SHISA6: variants seen among roughly 807,000 people sequenced by gnomAD.
SHISA6 encodes protein shisa-6.
Under a neutral mutation model 47.9 loss-of-function variants are expected in SHISA6, and 22 were observed. The ratio of observed to expected loss-of-function variants is 0.46; its 90% CI spans 0.33 to 0.66. SHISA6 has a LOEUF of 0.66. SHISA6 is among the 30% of genes least tolerant of loss of function. The pLI is 0.02. For synonymous variants in SHISA6, 388 were observed against 337.8 expected, an observed-to-expected ratio of 1.15 and a Z score of -1.63; for missense variants, 680 against 764.6, an observed-to-expected ratio of 0.89 and a Z score of 1.30.
At chr17:11,247,606 G>A (rs1597419517) in intron 1 of SHISA6, among the ~76,000 whole-genome samples, 1 of 152,104 alleles carries the variant, frequency 6.6e-6, no homozygotes, top group African/African-American at 2.4e-5. Flanking sequence ...TCTCAGATTG[G>A]TTGGTGGTGG....
intron 2 of SHISA6, among the ~76,000 whole-genome samples, chr17:11,373,976 C>G (rs1912707400): frequency 6.6e-6 from 1 of 152,158 alleles, no homozygotes; most frequent in Admixed American, 6.5e-5. Context: ...TAGCCATTGC[C>G]AAAGTTCTTT....
chr17:11,452,502 G>A (rs2142306721), intron 3 of SHISA6, among the ~76,000 whole-genome samples: 1 of 152,272 alleles, frequency 6.6e-6, no homozygotes, highest in Non-Finnish European at 1.5e-5. Context: ...CCACCTCTGT[G>A]TTTCATGCTG....
At chr17:11,245,473 C>A (rs1341583247) in intron 1 of SHISA6, among the ~76,000 whole-genome samples, 2 of 152,256 alleles carry the variant, frequency 1.3e-5, no homozygotes, top group African/African-American at 4.8e-5. Flanking sequence ...ACCCAGGAAA[C>A]CGCCTGGGAG....
intron 3 of SHISA6, among the ~76,000 whole-genome samples, chr17:11,465,946 C>T (rs373186919): frequency 9.9e-5 from 15 of 152,160 alleles, no homozygotes; most frequent in East Asian, 3.9e-4. Context: ...CTAGCAGCAA[C>T]GTTCCCTCTA....
At chr17:11,524,756 C>T (rs2071661613) in intron 3 of SHISA6, among the ~76,000 whole-genome samples, 1 of 152,164 alleles carries the variant, frequency 6.6e-6, no homozygotes, top group South Asian at 2.1e-4. Flanking sequence ...GCCTTGGCCT[C>T]CCAAAGTGCT....
chr17:11,557,977 C>T lies in SHISA6; in HGVS notation c.1329C>T (p.Asp443=), dbSNP rs369941337. The change falls in exon 6 of 6, where the codon GAC becomes GAT. Residue 443 remains aspartate, a synonymous_variant. Coordinates refer to ENST00000441885, the MANE Select transcript of SHISA6 (RefSeq NM_207386.4). ...FSMPYDRILS[D]EQLLSTERLH... ...TGCCCTACGACCGCATCCTGTCCGA[C>T]GAGCAGCTGCTCTCCACGGAGCGCC... 19 of 1,551,404 alleles carry T rather than the reference C, an allele frequency of 1.2e-5. No individual in the cohort carries two copies. Among genetic ancestry groups the T allele is most frequent in the East Asian group, 4.9e-5 (2 of 40,928 alleles).
At position 11,284,129 on chromosome 17, in the gene SHISA6, T is replaced by C. The variant is rs546982994; in HGVS notation, c.799+20603T>C. On this transcript the variant is annotated intron_variant, in intron 2 of 5. Coordinates refer to ENST00000441885, the MANE Select transcript of SHISA6 (RefSeq NM_207386.4). ...ACGTAGGCATGCACAATCCTCCCCC[T>C]ACCTCATCTAGTAAAAAGTAAGGAA... is the stretch of plus-strand genomic sequence containing the variant. Among the ~76,000 whole-genome samples the C allele has an allele frequency of 1.0e-3, 159 of 152,140 alleles. 1 individual carries two copies. The highest frequency in any genetic ancestry group is 3.6e-3 in the African/African-American group (148 of 41,528).
chr17:11,556,168 G>A (rs1231510352), intron 5 of SHISA6, among the ~76,000 whole-genome samples: 3 of 152,062 alleles, frequency 2.0e-5, no homozygotes, highest in Non-Finnish European at 4.4e-5. Flanking sequence ...TTTAACTGCG[G>A]GAGAAAGCCT....
chr17:11,292,244 G>A (rs1307320566), intron 2 of SHISA6, among the ~76,000 whole-genome samples: 1 of 151,726 alleles, frequency 6.6e-6, no homozygotes, highest in African/African-American at 2.4e-5. Flanking sequence ...TGGTGGTTAG[G>A]GCATTAACAT....
At chr17:11,444,851 A>G (rs1333912380) in intron 3 of SHISA6, among the ~76,000 whole-genome samples, 3 of 152,102 alleles carry the variant, frequency 2.0e-5, no homozygotes, top group Admixed American at 1.3e-4. Context: ...ACCATCTCAA[A>G]AAGAAAAAGA....
chr17:11,372,978 C>T (rs1283968259), intron 2 of SHISA6, among the ~76,000 whole-genome samples: 1 of 151,836 alleles, frequency 6.6e-6, no homozygotes, highest in Non-Finnish European at 1.5e-5. Context: ...TGTTTTTACA[C>T]CAGATTTTCT....
Position 11,516,256 on chromosome 17 carries a change from T to C in SHISA6, c.896-35640T>C, listed in dbSNP as rs903023625. ...CAGGAAGCTCAGGAGGTATCCACCCTGCCTAACCGTTGGGGGCAGATGCCA... is the reference window on the plus strand; with the variant it reads ...CAGGAAGCTCAGGAGGTATCCACCCCGCCTAACCGTTGGGGGCAGATGCCA... On this transcript the variant is annotated intron_variant, in intron 3 of 5. Coordinates refer to ENST00000441885, the MANE Select transcript of SHISA6 (RefSeq NM_207386.4). Among the ~76,000 whole-genome samples, 6 of 152,318 alleles carry C rather than the reference T, an allele frequency of 3.9e-5. No homozygotes were observed. In the East Asian group the frequency reaches 1.2e-3, roughly 29 times the overall value.
chr17:11,429,347 A>C (rs1914687835), intron 3 of SHISA6, among the ~76,000 whole-genome samples: 1 of 152,158 alleles, frequency 6.6e-6, no homozygotes, highest in Non-Finnish European at 1.5e-5. Context: ...TCACTTTTGC[A>C]AGTCACAAGG....
intron 3 of SHISA6, among the ~76,000 whole-genome samples, chr17:11,447,234 T>G (rs1194083388): frequency 2.0e-5 from 3 of 152,186 alleles, no homozygotes; most frequent in African/African-American, 7.2e-5. Context: ...CTTCACAGTT[T>G]TCCGAGGAGG....
chr17:11,553,545 T>C (rs1404446148), intron 4 of SHISA6, among the ~76,000 whole-genome samples: 1 of 152,134 alleles, frequency 6.6e-6, no homozygotes, highest in Non-Finnish European at 1.5e-5. Flanking sequence ...GCTCACAATG[T>C]AGTGAGAGTA....
intron 2 of SHISA6, among the ~76,000 whole-genome samples, chr17:11,319,495 A>G (rs1485356604): frequency 2.0e-5 from 3 of 152,226 alleles, no homozygotes; most frequent in Admixed American, 6.5e-5. Flanking sequence ...AGTTCACTCT[A>G]TCTTCAGGGA....
chr17:11,286,572 A>C (rs1474092051), intron 2 of SHISA6, among the ~76,000 whole-genome samples: 1 of 152,174 alleles, frequency 6.6e-6, no homozygotes, highest in Non-Finnish European at 1.5e-5. Flanking sequence ...GAATGTTTGT[A>C]AGGAAAATCG....
At chr17:11,273,791 C>T (rs924436230) in intron 2 of SHISA6, among the ~76,000 whole-genome samples, 2 of 152,196 alleles carry the variant, frequency 1.3e-5, no homozygotes, top group African/African-American at 2.4e-5. Flanking sequence ...GCCCAGTGTC[C>T]AGGACTCACT....
At chr17:11,382,961 G>A (rs1913069119) in intron 3 of SHISA6, among the ~76,000 whole-genome samples, 2 of 126,448 alleles carry the variant, frequency 1.6e-5, no homozygotes, top group Non-Finnish European at 3.1e-5. Context: ...TTTTGAGACG[G>A]AGTCTCACTC....
Sources: gnomAD v4.1 joint callset for allele counts (sites outside exome capture counted in the v4.1 genomes callset) on GRCh38, gnomAD v4.1.1 for gene constraint, MANE v1.5 for transcripts, NCBI Gene and HGNC (gene_info 2026-07-23, HGNC 2026-07-21) for gene names.